FHOD3: variants seen among roughly 807,000 people sequenced by gnomAD.
The protein encoded by FHOD3 is formin homology 2 domain containing 3.
In FHOD3, 90 loss-of-function variants were observed where a neutral mutation model predicts 173.0. That is an observed-to-expected ratio of 0.52 (90% CI 0.44 to 0.62). The LOEUF (loss-of-function observed/expected upper bound fraction) is 0.62, where lower values mean the gene tolerates loss of function less well. Among genes scored for constraint, FHOD3 ranks in the 20% least tolerant of loss-of-function variants. The probability of loss-of-function intolerance (pLI) is 0.00; values close to 1 mark genes in which losing one functional copy is unlikely to be tolerated. For missense variants in FHOD3, 1,945 were observed against 2,034.7 expected (o/e 0.96, Z 0.85); for synonymous variants, 828 against 823.0 (o/e 1.01, Z -0.10).
intron 2 of FHOD3, among the ~76,000 whole-genome samples, chr18:36,363,044 T>C (rs1035442665): frequency 1.3e-5 from 2 of 152,104 alleles, no homozygotes; most frequent in African/African-American, 4.8e-5. Context: ...TAGAAAGATA[T>C]CCAACATTAC....
intron 5 of FHOD3, among the ~76,000 whole-genome samples, chr18:36,550,412 A>G (rs906145872): frequency 4.6e-5 from 7 of 151,764 alleles, no homozygotes; most frequent in Admixed American, 1.3e-4. Context: ...TTCTCTTTCA[A>G]AGACCTATGT....
chr18:36,606,603 C>G (rs2032104050), intron 8 of FHOD3, among the ~76,000 whole-genome samples: 1 of 152,172 alleles, frequency 6.6e-6, no homozygotes, highest in Non-Finnish European at 1.5e-5. Context: ...CCATTCCATC[C>G]CATTAGCCCC....
intron 1 of FHOD3, among the ~76,000 whole-genome samples, chr18:36,310,924 G>T (rs561405659): frequency 6.6e-6 from 1 of 152,128 alleles, no homozygotes; most frequent in Non-Finnish European, 1.5e-5. Flanking sequence ...GCAGCAGTGG[G>T]CCCGGGGCTA....
At chr18:36,437,490 G>A (rs1458782507) in intron 3 of FHOD3, among the ~76,000 whole-genome samples, 2 of 152,160 alleles carry the variant, frequency 1.3e-5, no homozygotes, top group East Asian at 1.9e-4. Context: ...TCAATTTTGT[G>A]TATTGAGTCT....
At chr18:36,423,572 CTTA>C (rs1175982204) in intron 3 of FHOD3, among the ~76,000 whole-genome samples, 1 of 152,122 alleles carries the variant, frequency 6.6e-6, no homozygotes, top group Non-Finnish European at 1.5e-5. Flanking sequence ...GCCACCTTGC[CTTA>C]TTATAGTGAA....
At chr18:36,553,133 A>G (rs1032942507) in intron 5 of FHOD3, among the ~76,000 whole-genome samples, 9 of 152,260 alleles carry the variant, frequency 5.9e-5, no homozygotes, top group East Asian at 1.9e-4. Flanking sequence ...ATTGATTTGC[A>G]TATGTTGAAC....
intron 6 of FHOD3, among the ~76,000 whole-genome samples, chr18:36,578,806 G>A (rs912473269): frequency 6.6e-6 from 1 of 152,132 alleles, no homozygotes; most frequent in Non-Finnish European, 1.5e-5. Flanking sequence ...ACTGGCATGC[G>A]AATCCCCATG....
At chr18:36,543,122 G>A (rs1239966807) in intron 5 of FHOD3, among the ~76,000 whole-genome samples, 3 of 152,202 alleles carry the variant, frequency 2.0e-5, no homozygotes, top group Non-Finnish European at 4.4e-5. Flanking sequence ...CAGCCTGACA[G>A]TCTTCAACTC....
intron 5 of FHOD3, among the ~76,000 whole-genome samples, chr18:36,526,156 C>T (rs575156491): frequency 4.6e-5 from 7 of 152,322 alleles, no homozygotes; most frequent in East Asian, 1.9e-4. Context: ...TCCAAGGGCT[C>T]GGCCAAGGCC....
intron 1 of FHOD3, among the ~76,000 whole-genome samples, chr18:36,352,428 G>A (rs976324409): frequency 6.6e-6 from 1 of 152,178 alleles, no homozygotes; most frequent in African/African-American, 2.4e-5. Context: ...AGGTCTTACA[G>A]ATCTGTGTGG....
chr18:36,777,260 T>TGGCA (rs2043744247), intron 28 of FHOD3, among the ~76,000 whole-genome samples: 1 of 147,960 alleles, frequency 6.8e-6, no homozygotes, highest in Admixed American at 7.0e-5. Context: ...TGGAGTGCAG[T>TGGCA]GGCACCATCT....
At chr18:36,696,888 T>C (rs2039316140) in intron 17 of FHOD3, among the ~76,000 whole-genome samples, 1 of 152,240 alleles carries the variant, frequency 6.6e-6, no homozygotes, top group Non-Finnish European at 1.5e-5. Context: ...CATCTCTTCA[T>C]TCATTGCTTT....
chr18:36,585,359 C>T (rs2058991594), intron 6 of FHOD3, among the ~76,000 whole-genome samples: 1 of 152,202 alleles, frequency 6.6e-6, no homozygotes, highest in Non-Finnish European at 1.5e-5. Flanking sequence ...TGTTGCTCTT[C>T]TACCGGCCAC....
intron 16 of FHOD3, among the ~76,000 whole-genome samples, chr18:36,690,066 G>T (rs1331277227): frequency 6.6e-6 from 1 of 152,132 alleles, no homozygotes; most frequent in Non-Finnish European, 1.5e-5. Flanking sequence ...CGCAGTACCA[G>T]CCCTGCCACT....
chr18:36,500,036 C>G (rs2054948329), intron 3 of FHOD3, among the ~76,000 whole-genome samples: 1 of 152,180 alleles, frequency 6.6e-6, no homozygotes, highest in Admixed American at 6.5e-5. Context: ...TTTGGAGGAG[C>G]CTGCACTGCC....
At chr18:36,735,450 C>A (rs573835363) in intron 20 of FHOD3, among the ~76,000 whole-genome samples, 40 of 152,276 alleles carry the variant, frequency 2.6e-4, no homozygotes, top group African/African-American at 9.6e-4. Flanking sequence ...TAATTTGAAT[C>A]CCTATGAACT....
intron 18 of FHOD3, among the ~76,000 whole-genome samples, chr18:36,712,468 CA>C (rs58192327): frequency 0.54 from 79,659 of 147,182 alleles, 21,093 homozygotes; most frequent in South Asian, 0.58. Flanking sequence ...ACAGTAACAA[CA>C]AAAAAAAAAA....
In FHOD3 at chr18:36,755,247, A is replaced by G. The variant is rs1470676921; in HGVS notation, c.4361A>G (p.Gln1454Arg). Residue 1454 changes from glutamine to arginine, a missense_variant, in exon 25 of 29, where the codon CAG becomes CGG. Gln to Arg is a conservative substitution (Grantham distance 43). This residue lies in a region of FHOD3 where 354 missense variants were observed against 359.9 expected (regional missense o/e 0.98). Transcript: ENST00000590592. ...EYRTTRERVL[Q>R]QKQKRANHRE... ...CGCACAACCAGGGAAAGGGTTTTGC[A>G]GCAGAAACAGAAACGGGCCAACCAC... The G allele has an allele frequency of 1.2e-6, 2 of 1,612,508 alleles. No individual in the cohort carries two copies.
intron 1 of FHOD3, among the ~76,000 whole-genome samples, chr18:36,336,419 T>C (rs2045311478): frequency 6.6e-6 from 1 of 152,348 alleles, no homozygotes; most frequent in African/African-American, 2.4e-5. Flanking sequence ...AATAAGATGG[T>C]GACTGATGAC....
Sources: allele counts gnomAD v4.1 joint callset (sites outside exome capture counted in the v4.1 genomes callset), GRCh38; gene constraint gnomAD v4.1.1; regional missense constraint gnomAD v4.1.1; transcripts MANE v1.5; gene names NCBI Gene and HGNC (gene_info 2026-07-23, HGNC 2026-07-21).